The following LTN1 variants were observed in gnomAD, a reference collection of about 807,000 sequenced individuals.
The protein encoded by LTN1 is E3 ubiquitin-protein ligase listerin.
LTN1 carries 88 observed loss-of-function variants against 201.2 expected under a neutral mutation model. That is an observed-to-expected ratio of 0.44 (90% CI 0.37 to 0.52). The LOEUF is 0.52. LTN1 is among the 20% of genes least tolerant of loss of function. LTN1 has a pLI of 0.00. For synonymous variants in LTN1, 645 were observed against 713.5 expected (o/e 0.90, Z 1.53); for missense variants, 1,752 against 2,038.7 (o/e 0.86, Z 2.71).
chr21:28,979,128 T>C (rs1445564734), intron 6 of LTN1, among the ~76,000 whole-genome samples: 2 of 152,212 alleles, frequency 1.3e-5, no homozygotes, highest in African/African-American at 4.8e-5. Context: ...GGCTAGAATA[T>C]AAGGTTATGT....
intron 11 of LTN1, among the ~76,000 whole-genome samples, chr21:28,962,778 C>T (rs2084489852): frequency 6.6e-6 from 1 of 152,174 alleles, no homozygotes; most frequent in Admixed American, 6.5e-5. Flanking sequence ...GCCTCTTGTG[C>T]CAAACAGCCA....
intron 6 of LTN1, among the ~76,000 whole-genome samples, chr21:28,976,560 A>G (rs1419472193): frequency 1.3e-5 from 2 of 151,056 alleles, no homozygotes; most frequent in East Asian, 3.9e-4. Context: ...AGATGACACC[A>G]CGGCACTCCA....
At chr21:28,992,646 G>A (rs761073410) in intron 1 of LTN1, 118 bp downstream of exon 1, 434 of 1,104,250 alleles carry the variant, frequency 3.9e-4, no homozygotes, top group Middle Eastern at 7.7e-4. Context: ...GGTCACACTC[G>A]ACAGGGAAAC....
At chr21:28,937,155 T>A (rs1021490074) in intron 25 of LTN1, among the ~76,000 whole-genome samples, 1 of 152,168 alleles carries the variant, frequency 6.6e-6, no homozygotes, top group Non-Finnish European at 1.5e-5. Flanking sequence ...CATAAAAATA[T>A]GGATTTCTGA....
intron 25 of LTN1, among the ~76,000 whole-genome samples, chr21:28,940,996 G>A (rs950738789): frequency 1.3e-5 from 2 of 152,168 alleles, no homozygotes; most frequent in Admixed American, 6.5e-5. Context: ...AAGATCGGTT[G>A]AGCCTAGGAG....
intron 25 of LTN1, among the ~76,000 whole-genome samples, chr21:28,940,510 A>C (rs1223865578): frequency 6.6e-6 from 1 of 152,234 alleles, no homozygotes; most frequent in Admixed American, 6.5e-5. Context: ...CAAGTAAGGT[A>C]AATTTCCAAT....
Position 28,957,357 on chromosome 21 carries a change from T to G in LTN1, c.2867A>C (p.Lys956Thr), listed in dbSNP as rs756003693. 2 of 1,598,554 alleles carry G rather than the reference T, an allele frequency of 1.3e-6. No individual in the cohort carries two copies. Among genetic ancestry groups the G allele is most frequent in the East Asian group, 4.5e-5 (2 of 44,554 alleles). The change falls in exon 15 of 30, where the codon AAG becomes ACG. Residue 956 changes from lysine to threonine, a missense_variant. By Grantham distance (78) the Lys-to-Thr change is moderately conservative. Coordinates refer to ENST00000361371, the MANE Select transcript of LTN1 (RefSeq NM_015565.3). The stretch of plus-strand genomic sequence containing the variant: ...CTGCATAGGAAGAGACTGCCTCATC[T>G]TTTCCCATTCACTGTCGTTCGGCAT... ...SVMPNDSEWE[K>T]MRQSLPMQWL...
intron 25 of LTN1, among the ~76,000 whole-genome samples, chr21:28,937,510 CCTTT>C (rs1366346345): frequency 6.6e-6 from 1 of 152,042 alleles, no homozygotes; most frequent in Admixed American, 6.6e-5. Context: ...AAGCATTTAT[CCTTT>C]CTTTGTGTAA....
In LTN1 at chr21:28,947,512, T is replaced by C; in HGVS notation, c.3439A>G (p.Ile1147Val). Residue 1147 changes from isoleucine (I) to valine (V), a missense_variant, in exon 19 of 30, where the codon ATA becomes GTA. Transcript: ENST00000361371. ...EEKKEFSAQC[I>V]PALLGWTKKD... ...TTAGTCCAGCCCAAAAGAGCAGGTA[T>C]ACATTGAGCACTAAATTCTTTCTTT... is the stretch of plus-strand genomic sequence containing the variant. The C allele has an allele frequency of 6.3e-7, 1 of 1,583,972 alleles. No homozygotes were observed. The highest frequency in any genetic ancestry group is 1.4e-5 in the African/African-American group (1 of 73,848).
At chr21:28,978,103 G>A (rs907687624) in intron 6 of LTN1, among the ~76,000 whole-genome samples, 5 of 151,878 alleles carry the variant, frequency 3.3e-5, no homozygotes, top group Non-Finnish European at 7.4e-5. Context: ...ATCATGGCTC[G>A]CTGCAGCCTT....
rs557170600 is a variant in LTN1 at position 28,975,570 on chromosome 21, G to C, written c.811-4126C>G. ...GCTTTGTAGAAGTAAAGTAGCCATA[G>C]ATAATACATAAAACTATTTACAAAA... On this transcript the variant is annotated intron_variant, in intron 6 of 29. Coordinates refer to ENST00000361371, the MANE Select transcript of LTN1 (RefSeq NM_015565.3). Among the ~76,000 whole-genome samples, 14 of 152,244 alleles carry C rather than the reference G, an allele frequency of 9.2e-5. 1 individual carries two copies. In the East Asian group the frequency reaches 1.9e-3, roughly 21 times the overall value.
intron 1 of LTN1, among the ~76,000 whole-genome samples, chr21:28,988,828 G>A (rs1169690227): frequency 1.3e-5 from 2 of 152,006 alleles, no homozygotes; most frequent in Admixed American, 1.3e-4. Flanking sequence ...AGCCAGGCAT[G>A]GTGGCACATG....
In LTN1 at chr21:28,947,626, AC is replaced by A; in HGVS notation, c.3345-21del. On this transcript the variant is annotated intron_variant, in intron 18 of 29. Coordinates refer to ENST00000361371, the MANE Select transcript of LTN1 (RefSeq NM_015565.3). ...AAAAAACTGTTTAAAGAAAAAAAAA[AC>A]ACAAGTTAGATTTCTTCCAAACATA... The A allele has an allele frequency of 1.3e-6, 2 of 1,504,914 alleles. No individual in the cohort carries two copies. Among genetic ancestry groups the A allele is most frequent in the Non-Finnish European group, 1.8e-6 (2 of 1,124,692 alleles). The allele number at this position is 1,504,914 out of a possible 1,614,324, so 93.2% of individuals were successfully genotyped here. A position where few individuals can be genotyped will look rare whatever the true frequency, so the allele number is the denominator to read the frequency against.
chr21:28,981,097 A>G lies in LTN1; in HGVS notation c.810+22T>C, dbSNP rs777118709. 4.2e-6 allele frequency: 6 copies of G among 1,418,440 alleles called. No homozygotes were observed. In the East Asian group the frequency reaches 1.5e-4, roughly 34 times the overall value. 87.9% of individuals were successfully genotyped at this position (1,418,440 alleles called of 1,614,324 possible). On this transcript the variant is annotated intron_variant, in intron 6 of 29. Coordinates refer to ENST00000361371, the MANE Select transcript of LTN1 (RefSeq NM_015565.3). ...GGGTAAGGAATCAGAGAAATGTCTTAAGATAAAAAAGATTAATATACCTGA... is the reference window on the plus strand; with the variant it reads ...GGGTAAGGAATCAGAGAAATGTCTTGAGATAAAAAAGATTAATATACCTGA...
chr21:28,991,593 A>G (rs532794512), intron 1 of LTN1, among the ~76,000 whole-genome samples: 5 of 152,370 alleles, frequency 3.3e-5, no homozygotes, highest in Middle Eastern at 6.8e-3. Flanking sequence ...TAAAGAGTAT[A>G]TGGGATGTCG....
chr21:28,973,010 A>T (rs912663283), intron 6 of LTN1, among the ~76,000 whole-genome samples: 1 of 152,188 alleles, frequency 6.6e-6, no homozygotes, highest in Non-Finnish European at 1.5e-5. Context: ...CACAAAAATA[A>T]CTACCAACAT....
At position 28,966,058 on chromosome 21, in the gene LTN1, C is replaced by G. The variant is rs1362126749; in HGVS notation, c.2122-152G>C. ...GAGTAGCTGGGACTACATGCATGCG[C>G]CAACATGCCCAGCTAAAACTTTTAA... On this transcript the variant is annotated intron_variant, in intron 10 of 29. Coordinates refer to ENST00000361371, the MANE Select transcript of LTN1 (RefSeq NM_015565.3). 1.5e-5 allele frequency: 9 copies of G among 611,244 alleles called. No individual in the cohort carries two copies. In the South Asian group the frequency reaches 2.0e-4, roughly 13 times the overall value. The allele number at this position is 611,244 out of a possible 1,614,324, so 37.9% of individuals were successfully genotyped here.
rs1200009990 is a variant in LTN1, at chr21:28,966,795, A to G, written c.1696T>C (p.Trp566Arg). ...AGAGAAGGTTCAGTTGTTAATTCCCAGCCTTCAATCTTCTCTCCTTCTGAA... is the reference window on the plus strand; with the variant it reads ...AGAGAAGGTTCAGTTGTTAATTCCCGGCCTTCAATCTTCTCTCCTTCTGAA... ...VSSEGEKIEG[W>R]ELTTEPSLTH... The change falls in exon 10 of 30, where the codon TGG becomes CGG. Residue 566 changes from tryptophan (W) to arginine (R), a missense_variant. Trp to Arg is a moderately radical substitution (Grantham distance 101). Transcript: ENST00000361371. 6 of 1,613,594 alleles carry G rather than the reference A, an allele frequency of 3.7e-6. No individual in the cohort carries two copies. Among genetic ancestry groups the G allele is most frequent in the Non-Finnish European group, 5.1e-6 (6 of 1,179,906 alleles).
intron 9 of LTN1, among the ~76,000 whole-genome samples, chr21:28,968,987 G>A (rs1035341977): frequency 5.9e-5 from 9 of 151,458 alleles, no homozygotes; most frequent in Non-Finnish European, 1.2e-4. Flanking sequence ...TTGTGAAGCC[G>A]AGGCGGGTAG....
Sources: gnomAD v4.1 joint callset for allele counts (sites outside exome capture counted in the v4.1 genomes callset) on GRCh38, gnomAD v4.1.1 for gene constraint, MANE v1.5 for transcripts, NCBI Gene and HGNC (gene_info 2026-07-23, HGNC 2026-07-21) for gene names.